ILRUN: variants seen among roughly 807,000 people sequenced by gnomAD.
ILRUN encodes inflammation and lipid regulator with UBA-like and NBR1-like domains, also known as protein ILRUN.
A neutral mutation model predicts 33.8 loss-of-function variants in ILRUN; 3 were observed. That is an observed-to-expected ratio of 0.09 (90% CI 0.04 to 0.23). ILRUN has a LOEUF of 0.23. Ranked by LOEUF, ILRUN falls within the 10% of genes least tolerant of loss-of-function variation. The pLI is 1.00. For synonymous variants in ILRUN, 124 were observed against 138.9 expected (o/e 0.89, Z 0.75); for missense variants, 210 against 375.1 (o/e 0.56, Z 3.64).
intron 1 of ILRUN, among the ~76,000 whole-genome samples, chr6:34,660,439 A>T (rs1287210953): frequency 1.3e-5 from 2 of 152,152 alleles, no homozygotes; most frequent in South Asian, 2.1e-4. Context: ...CAAATTATTT[A>T]TGAGAAAAAG....
chr6:34,645,402 G>A (rs903877316), intron 3 of ILRUN, among the ~76,000 whole-genome samples: 1 of 151,984 alleles, frequency 6.6e-6, no homozygotes, highest in African/African-American at 2.4e-5. Flanking sequence ...TGAGACAGGC[G>A]CTCACTCTGT....
chr6:34,677,541 A>C (rs569351589), intron 1 of ILRUN, among the ~76,000 whole-genome samples: 2 of 150,012 alleles, frequency 1.3e-5, no homozygotes, highest in Non-Finnish European at 3.0e-5. Flanking sequence ...TATAATATGC[A>C]TATGAGTAGC....
Position 34,676,460 on chromosome 6 carries a change from C to A in ILRUN, c.158+19986G>T, listed in dbSNP as rs950771748. On this transcript the variant is annotated intron_variant, in intron 1 of 4. Transcript: ENST00000374023. Reference sequence around the variant, plus strand: ...TAGCTAGCTAGATAGATAGATATAGCTAGCTAGCTAGCTAGCTAGATAGGT... The same window carrying A: ...TAGCTAGCTAGATAGATAGATATAGATAGCTAGCTAGCTAGCTAGATAGGT... 2.3e-4 allele frequency among the ~76,000 whole-genome samples: 34 copies of A among 146,834 alleles called. 1 individual carries two copies. The highest frequency in any genetic ancestry group is 3.4e-3 in the Middle Eastern group (1 of 290).
chr6:34,639,044 T>C (rs1417827237), intron 3 of ILRUN, among the ~76,000 whole-genome samples: 2 of 152,212 alleles, frequency 1.3e-5, no homozygotes, highest in Non-Finnish European at 2.9e-5. Flanking sequence ...AGCCTCATGT[T>C]ACCTGGTTAG....
intron 3 of ILRUN, among the ~76,000 whole-genome samples, chr6:34,625,132 T>C (rs2127344315): frequency 6.6e-6 from 1 of 152,228 alleles, no homozygotes; most frequent in East Asian, 1.9e-4. Flanking sequence ...GAGTTGAATA[T>C]AGCAACAAAG....
At position 34,606,524 on chromosome 6, in the gene ILRUN, C is replaced by A. The variant is rs79514997; in HGVS notation, c.861+31G>T. ...GTATCACAAGTCCCAAGGCCCACCA[C>A]CTACCCCTTCTCTTCTCCAAGGGCA... On this transcript the variant is annotated intron_variant, in intron 4 of 4. Coordinates refer to ENST00000374023, the MANE Select transcript of ILRUN (RefSeq NM_024294.4). 7.6e-4 allele frequency: 1,198 copies of A among 1,576,964 alleles called. 10 individuals carry two copies. In the African/African-American group the frequency reaches 0.014, roughly 19 times the overall value.
chr6:34,673,787 G>A (rs747489388), intron 1 of ILRUN, among the ~76,000 whole-genome samples: 1 of 150,960 alleles, frequency 6.6e-6, no homozygotes. Flanking sequence ...TGATCATGCC[G>A]CTGGGTGACA....
chr6:34,662,621 C>T (rs577153811), intron 1 of ILRUN, among the ~76,000 whole-genome samples: 1 of 152,234 alleles, frequency 6.6e-6, no homozygotes, highest in South Asian at 2.1e-4. Context: ...GGATTTTATG[C>T]TAAGTGAAAT....
intron 1 of ILRUN, among the ~76,000 whole-genome samples, chr6:34,666,594 TA>T (rs1254989379): frequency 6.6e-6 from 1 of 152,006 alleles, no homozygotes; most frequent in African/African-American, 2.4e-5. Context: ...TACTTACAAA[TA>T]GGGGGCTAAA....
intron 3 of ILRUN, among the ~76,000 whole-genome samples, chr6:34,626,383 C>A (rs959809988): frequency 7.2e-5 from 11 of 152,042 alleles, no homozygotes; most frequent in African/African-American, 2.7e-4. Context: ...AATATATTGC[C>A]CAGGCTGGTC....
intron 4 of ILRUN, among the ~76,000 whole-genome samples, 198 bp downstream of exon 4, chr6:34,606,357 T>A (rs1761629401): frequency 6.6e-6 from 1 of 152,074 alleles, no homozygotes; most frequent in Non-Finnish European, 1.5e-5. Flanking sequence ...TGAAGCAACA[T>A]CCACAGGACA....
intron 4 of ILRUN, among the ~76,000 whole-genome samples, chr6:34,601,306 G>T (rs1761502568): frequency 6.6e-6 from 1 of 152,210 alleles, no homozygotes; most frequent in Non-Finnish European, 1.5e-5. Flanking sequence ...ATTGGCATGA[G>T]AATAGTGTGT....
intron 1 of ILRUN, among the ~76,000 whole-genome samples, chr6:34,658,397 TA>T (rs1242094210): frequency 2.0e-5 from 3 of 151,094 alleles, no homozygotes; most frequent in Non-Finnish European, 2.9e-5. Context: ...ACTGCCAATA[TA>T]GTTAATGCCA....
chr6:34,605,595 C>CTT (rs1220357689), intron 4 of ILRUN, among the ~76,000 whole-genome samples: 1 of 152,186 alleles, frequency 6.6e-6, no homozygotes, highest in Non-Finnish European at 1.5e-5. Context: ...TGTCACTACA[C>CTT]TCCAGCCTGG....
intron 1 of ILRUN, among the ~76,000 whole-genome samples, chr6:34,655,448 T>C (rs962247718): frequency 6.6e-6 from 1 of 152,236 alleles, no homozygotes; most frequent in African/African-American, 2.4e-5. Flanking sequence ...AATCTTATTT[T>C]CCCCCTTTTT....
chr6:34,685,216 T>C (rs1763488456), intron 1 of ILRUN: 1 of 152,144 alleles, frequency 6.6e-6, no homozygotes, highest in Non-Finnish European at 1.5e-5. Context: ...AACTGGGGTG[T>C]CCAGAAAAGA....
chr6:34,601,395 T>G (rs1761504405), intron 4 of ILRUN, among the ~76,000 whole-genome samples: 1 of 145,710 alleles, frequency 6.9e-6, no homozygotes, highest in South Asian at 2.2e-4. Flanking sequence ...TCTTTAAACC[T>G]TTCATGGAGA....
chr6:34,641,901 A>C (rs1200896085), intron 3 of ILRUN, among the ~76,000 whole-genome samples: 2 of 152,228 alleles, frequency 1.3e-5, no homozygotes, highest in Non-Finnish European at 2.9e-5. Flanking sequence ...GAGTATTATG[A>C]AAAAACTATG....
intron 1 of ILRUN, among the ~76,000 whole-genome samples, chr6:34,662,658 AC>A (rs1762913805): frequency 6.6e-6 from 1 of 152,264 alleles, no homozygotes; most frequent in Non-Finnish European, 1.5e-5. Context: ...TCAAATACTT[AC>A]ATGGAAAGTG....
Sources: allele counts gnomAD v4.1 joint callset (sites outside exome capture counted in the v4.1 genomes callset), GRCh38; gene constraint gnomAD v4.1.1; transcripts MANE v1.5; gene names NCBI Gene and HGNC (gene_info 2026-07-23, HGNC 2026-07-21).